FGF7: variants seen among roughly 807,000 people sequenced by gnomAD.
The protein encoded by FGF7 is fibroblast growth factor 7, also known as FGF-7.
Under a neutral mutation model 20.5 loss-of-function variants are expected in FGF7, and 6 were observed. That is an observed-to-expected ratio of 0.29 (90% CI 0.16 to 0.58). FGF7 has a LOEUF of 0.58. FGF7 is among the 20% of genes least tolerant of loss of function. The pLI, the probability that FGF7 is intolerant of heterozygous loss-of-function variation, is 0.90. For synonymous variants in FGF7, 64 were observed against 74.7 expected, an observed-to-expected ratio of 0.86 and a Z score of 0.74; for missense variants, 144 against 228.8, an observed-to-expected ratio of 0.63 and a Z score of 2.39.
intron 2 of FGF7, among the ~76,000 whole-genome samples, chr15:49,450,335 T>A (rs1248659033): frequency 6.6e-6 from 1 of 152,114 alleles, no homozygotes; most frequent in East Asian, 1.9e-4. Context: ...TTTATTGTGT[T>A]CCTGACTGTC....
At chr15:49,448,524 G>A (rs951521227) in intron 2 of FGF7, among the ~76,000 whole-genome samples, 11 of 151,364 alleles carry the variant, frequency 7.3e-5, no homozygotes, top group African/African-American at 2.7e-4. Flanking sequence ...CCTAACATAA[G>A]TTAATCAAAA....
intron 2 of FGF7, among the ~76,000 whole-genome samples, chr15:49,481,993 A>C (rs1209131142): frequency 6.6e-6 from 1 of 152,122 alleles, no homozygotes; most frequent in East Asian, 1.9e-4. Flanking sequence ...AAAATAAATA[A>C]GAGAATGAAG....
At chr15:49,444,341 T>C (rs1597232325) in intron 2 of FGF7, among the ~76,000 whole-genome samples, 1 of 151,710 alleles carries the variant, frequency 6.6e-6, no homozygotes, top group Admixed American at 6.6e-5. Flanking sequence ...TATGAAAAGA[T>C]TTGAAAATGC....
At chr15:49,475,149 G>A (rs2055149833) in intron 2 of FGF7, among the ~76,000 whole-genome samples, 2 of 152,152 alleles carry the variant, frequency 1.3e-5, no homozygotes, top group South Asian at 4.1e-4. Context: ...CTCCGGTAGT[G>A]TATGATTAGT....
At chr15:49,464,568 TG>T (rs1567327856) in intron 2 of FGF7, among the ~76,000 whole-genome samples, 1 of 152,200 alleles carries the variant, frequency 6.6e-6, no homozygotes, top group East Asian at 1.9e-4. Flanking sequence ...TGACTTTTAA[TG>T]TATTGAATTT....
At chr15:49,470,126 G>T (rs908551111) in intron 2 of FGF7, among the ~76,000 whole-genome samples, 18 of 152,108 alleles carry the variant, frequency 1.2e-4, no homozygotes, top group Non-Finnish European at 4.4e-5. Flanking sequence ...ACGGTATTAT[G>T]ATCAAAGCGT....
At chr15:49,463,015 A>C (rs1374568334) in intron 2 of FGF7, among the ~76,000 whole-genome samples, 1 of 152,200 alleles carries the variant, frequency 6.6e-6, no homozygotes, top group East Asian at 1.9e-4. Flanking sequence ...TTTGTGTCTT[A>C]AATCACTCAA....
intron 2 of FGF7, among the ~76,000 whole-genome samples, chr15:49,440,108 A>G (rs1341066103): frequency 6.6e-6 from 1 of 151,784 alleles, no homozygotes. Context: ...TTTCAAAATG[A>G]CATCACGAAT....
intron 2 of FGF7, chr15:49,434,452 C>T (rs1378173544): frequency 6.6e-6 from 1 of 151,254 alleles, no homozygotes; most frequent in Non-Finnish European, 1.5e-5. Context: ...CGCAGGTTGT[C>T]AAACCCAACA....
chr15:49,480,586 A>G lies in FGF7; in HGVS notation c.287-2565A>G, dbSNP rs1264406532. Among the ~76,000 whole-genome samples the G allele has an allele frequency of 6.0e-5, 9 of 150,608 alleles. 1 individual carries two copies. The highest frequency in any genetic ancestry group is 4.7e-4 in the Admixed American group (7 of 15,024). ...AGCCTCCGCCTTCTGGGTTCATGCA[A>G]TTCTCCTGCTTCAGCCTCCTGAGTA... On this transcript the variant is annotated intron_variant, in intron 2 of 3. Coordinates refer to ENST00000267843, the MANE Select transcript of FGF7 (RefSeq NM_002009.4).
At chr15:49,452,777 T>G (rs2052886245) in intron 2 of FGF7, among the ~76,000 whole-genome samples, 1 of 152,182 alleles carries the variant, frequency 6.6e-6, no homozygotes, top group South Asian at 2.1e-4. Context: ...ATTAAAATAA[T>G]GAATACTGTA....
At chr15:49,455,053 A>G (rs751471629) in intron 2 of FGF7, among the ~76,000 whole-genome samples, 7 of 152,110 alleles carry the variant, frequency 4.6e-5, no homozygotes, top group Non-Finnish European at 1.0e-4. Flanking sequence ...TTGGGGGATC[A>G]CCTGTATTAG....
chr15:49,458,433 AG>A (rs2053511500), intron 2 of FGF7, among the ~76,000 whole-genome samples: 1 of 152,056 alleles, frequency 6.6e-6, no homozygotes, highest in Non-Finnish European at 1.5e-5. Context: ...TCTCATTTAA[AG>A]GTTTTGGTTT....
At chr15:49,447,990 C>G (rs909021406) in intron 2 of FGF7, among the ~76,000 whole-genome samples, 1 of 151,644 alleles carries the variant, frequency 6.6e-6, no homozygotes, top group African/African-American at 2.4e-5. Context: ...TCAAAAGCTG[C>G]TCCAGATATC....
intron 2 of FGF7, among the ~76,000 whole-genome samples, chr15:49,436,284 G>C (rs2051098395): frequency 6.6e-6 from 1 of 151,550 alleles, no homozygotes; most frequent in Non-Finnish European, 1.5e-5. Flanking sequence ...TGAGTAGTCA[G>C]TTAACTTACA....
chr15:49,440,380 T>G (rs926220568), intron 2 of FGF7, among the ~76,000 whole-genome samples: 16 of 151,646 alleles, frequency 1.1e-4, no homozygotes, highest in African/African-American at 3.6e-4. Flanking sequence ...TCCAAAGTAT[T>G]TATAGTGAAA....
intron 2 of FGF7, among the ~76,000 whole-genome samples, chr15:49,465,722 TAATTA>T (rs1343673215): frequency 1.3e-5 from 2 of 152,134 alleles, no homozygotes; most frequent in African/African-American, 2.4e-5. Context: ...TGTGCTTATT[TAATTA>T]AACTCCAAAA....
At chr15:49,453,903 G>A (rs913146655) in intron 2 of FGF7, among the ~76,000 whole-genome samples, 2 of 152,120 alleles carry the variant, frequency 1.3e-5, no homozygotes, top group Non-Finnish European at 2.9e-5. Context: ...CAAAGTGGAA[G>A]CCTTGCATTC....
intron 2 of FGF7, among the ~76,000 whole-genome samples, chr15:49,440,126 A>G (rs2051498497): frequency 6.6e-6 from 1 of 151,764 alleles, no homozygotes; most frequent in Non-Finnish European, 1.5e-5. Context: ...AATTAGTGGC[A>G]GTGGTGGTTT....
Sources: allele counts gnomAD v4.1 joint callset (sites outside exome capture counted in the v4.1 genomes callset), GRCh38; gene constraint gnomAD v4.1.1; transcripts MANE v1.5; gene names NCBI Gene and HGNC (gene_info 2026-07-23, HGNC 2026-07-21).